Variants in OGFOD2 observed in about 807,000 individuals in gnomAD.
The protein encoded by OGFOD2 is 2-oxoglutarate and iron-dependent oxygenase domain-containing protein 2.
A neutral mutation model predicts 31.1 loss-of-function variants in OGFOD2; 34 were observed. The observed-to-expected ratio is 1.09, with a 90% CI of 0.83 to 1.45. The LOEUF (loss-of-function observed/expected upper bound fraction) is 1.45, where lower values mean the gene tolerates loss of function less well. OGFOD2 is among the 40% of genes most tolerant of loss of function. The probability of loss-of-function intolerance (pLI) is 0.00; values close to 1 mark genes in which losing one functional copy is unlikely to be tolerated. For missense variants in OGFOD2, 537 were observed against 433.9 expected, an observed-to-expected ratio of 1.24 and a Z score of -2.11; for synonymous variants, 240 against 192.3, an observed-to-expected ratio of 1.25 and a Z score of -2.05.
At chr12:122,978,599 G>A (rs1327543948) in intron 5 of OGFOD2, 30 bp downstream of exon 5, 18 of 1,604,884 alleles carry the variant, frequency 1.1e-5, no homozygotes, top group African/African-American at 6.7e-5. Flanking sequence ...TGGCAGAGGA[G>A]GGGGTGGCTG....
At chr12:122,979,378 C>T in exon 7 of OGFOD2, 1 of 1,568,460 alleles carries the variant, frequency 6.4e-7, no homozygotes, top group Non-Finnish European at 8.7e-7. Context: ...GGGTGGCAGG[C>T]AGGTGAGGGC....
At chr12:122,976,282 T>A in intron 2 of OGFOD2, 3 of 1,225,364 alleles carry the variant, frequency 2.4e-6, no homozygotes, top group Non-Finnish European at 3.6e-6. Context: ...CCCCACTCCC[T>A]CCTCCTCCTT....
At chr12:122,975,300 T>C (rs2037380579) in exon 1 of OGFOD2, 1 of 702,006 alleles carries the variant, frequency 1.4e-6, no homozygotes, top group South Asian at 1.5e-5. Context: ...CGCCTGCTTC[T>C]GCACCGATAA....
chr12:122,978,624 T>C (rs2037504552), intron 5 of OGFOD2, 55 bp downstream of exon 5: 4 of 1,598,778 alleles, frequency 2.5e-6, no homozygotes, highest in Admixed American at 1.7e-5. Flanking sequence ...CAGGAGGCAG[T>C]GTCAGAGGTT....
At chr12:122,976,472 A>G (rs550877071) in intron 2 of OGFOD2, 182 bp from the exon 3 acceptor site, 9 of 1,532,518 alleles carry the variant, frequency 5.9e-6, no homozygotes, top group Non-Finnish European at 8.1e-6. Context: ...GTCCCCTTCT[A>G]GAAGTCCCTT....
intron 2 of OGFOD2, 85 bp downstream of exon 2, chr12:122,975,952 C>G (rs2037411852): frequency 2.9e-6 from 2 of 678,334 alleles, no homozygotes; most frequent in Admixed American, 4.0e-5. Flanking sequence ...TAGCCTCAGT[C>G]CCTGATCCCT....
Position 122,978,425 on chromosome 12 carries a change from C to A in OGFOD2, c.404-17C>A. Reference sequence around the variant, plus strand: ...CACGGCCACATTCAGGCCAACAGACCATCCCTCCTTCCACAGAGGAGAAGC... The same window carrying A: ...CACGGCCACATTCAGGCCAACAGACAATCCCTCCTTCCACAGAGGAGAAGC... On this transcript the variant is annotated splice_polypyrimidine_tract_variant and intron_variant, in intron 4 of 6. Transcript: ENST00000228922. The A allele has an allele frequency of 1.2e-6, 2 of 1,612,048 alleles. No homozygotes were observed. The highest frequency in any genetic ancestry group is 1.1e-5 in the South Asian group (1 of 91,014).
chr12:122,976,011 C>T (rs568879525), intron 2 of OGFOD2, 144 bp downstream of exon 2: 14 of 623,362 alleles, frequency 2.2e-5, no homozygotes, highest in African/African-American at 1.5e-4. Flanking sequence ...CCCCACTCAT[C>T]CCTCCACACC....
Position 122,975,875 on chromosome 12 carries a change from T to G in OGFOD2, c.189+8T>G. The G allele has an allele frequency of 1.4e-6, 1 of 702,482 alleles. No homozygotes were observed. Among genetic ancestry groups the G allele is most frequent in the South Asian group, 1.5e-5 (1 of 67,586 alleles). 43.5% of individuals were successfully genotyped at this position (702,482 alleles called of 1,614,324 possible). A position where few individuals can be genotyped will look rare whatever the true frequency, so the allele number is the denominator to read the frequency against. On this transcript the variant is annotated splice_region_variant and intron_variant, in intron 2 of 6. Transcript: ENST00000228922. ...CAGCAGCTGTTAGCAGAGGTACCAG[T>G]CCCCTGCCCCTGCACAGCTCCTCCT...
intron 4 of OGFOD2, chr12:122,977,370 C>A: frequency 3.3e-6 from 1 of 300,856 alleles, no homozygotes. Flanking sequence ...CAGGAGGGAG[C>A]AGTTACCACC....
At chr12:122,979,412 G>A in exon 7 of OGFOD2, 1 of 1,513,882 alleles carries the variant, frequency 6.6e-7, no homozygotes, top group Admixed American at 2.1e-5. Flanking sequence ...TCTGGGGGCA[G>A]AAATAAAATC....
intron 2 of OGFOD2, 46 bp downstream of exon 2, chr12:122,975,913 G>A (rs769470286): frequency 5.8e-6 from 4 of 693,038 alleles, no homozygotes; most frequent in East Asian, 2.7e-5. Context: ...TTAGATTTGT[G>A]TCCGCAGCTT....
chr12:122,975,925 A>T (rs2037410917), intron 2 of OGFOD2, 58 bp downstream of exon 2: 2 of 691,810 alleles, frequency 2.9e-6, no homozygotes, highest in East Asian at 5.4e-5. Flanking sequence ...CCGCAGCTTG[A>T]GGACACAGCT....
At chr12:122,978,507 C>T (rs140747847) in exon 5 of OGFOD2, 1 of 1,613,566 alleles carries the variant, frequency 6.2e-7, no homozygotes, top group African/African-American at 1.3e-5. Flanking sequence ...GCTGGAAGAG[C>T]TGGAGCACTT....
chr12:122,977,053 G>A, intron 4 of OGFOD2, 83 bp downstream of exon 4: 1 of 1,352,584 alleles, frequency 7.4e-7, no homozygotes, highest in Non-Finnish European at 1.0e-6. Context: ...GGTCCCTCCA[G>A]CCACCATCTC....
At chr12:122,975,375 T>G (rs1468391527) in exon 1 of OGFOD2, 1 of 700,044 alleles carries the variant, frequency 1.4e-6, no homozygotes, top group African/African-American at 1.7e-5. Flanking sequence ...GCGCCGGGAC[T>G]ACGGCCCGGT....
rs1471301286 is a variant in OGFOD2 at position 122,975,395 on chromosome 12, C to T, written c.132+12C>T. ...GGGACTACGGCCCGGTGAGTGGCCG[C>T]TGTCGTCCCTACGGAGCAGTGGGCA... On this transcript the variant is annotated intron_variant, in intron 1 of 6. Coordinates refer to ENST00000228922, the Ensembl canonical transcript of OGFOD2. The T allele has an allele frequency of 1.7e-5, 12 of 695,938 alleles. No homozygotes were observed. The Middle Eastern group carries it at 1.5e-3, about 88-fold the overall frequency. 43.1% of individuals were successfully genotyped at this position (695,938 alleles called of 1,614,324 possible).
exon 4 of OGFOD2, chr12:122,976,903 G>A (rs1248047232): frequency 6.2e-7 from 1 of 1,611,168 alleles, no homozygotes; most frequent in South Asian, 1.1e-5. Context: ...TCCTGGCCGT[G>A]ACTGAGTACA....
exon 7 of OGFOD2, chr12:122,979,404 TGGG>T: frequency 3.9e-6 from 6 of 1,527,894 alleles, no homozygotes; most frequent in South Asian, 2.4e-5. Flanking sequence ...TGCCTTGGTC[TGGG>T]GGCAGAAATA....
Sources: allele counts gnomAD v4.1 joint callset, GRCh38; gene constraint gnomAD v4.1.1; transcripts MANE v1.5; gene names NCBI Gene and HGNC (gene_info 2026-07-23, HGNC 2026-07-21).